The following MAPK4 variants were observed in gnomAD, a reference collection of about 807,000 sequenced individuals.
MAPK4 encodes the protein Erk3-related.
MAPK4 carries 22 observed loss-of-function variants against 47.7 expected under a neutral mutation model. The ratio of observed to expected loss-of-function variants is 0.46; its 90% CI spans 0.33 to 0.66. MAPK4 has a LOEUF of 0.66. Ranked by LOEUF, MAPK4 falls within the 30% of genes least tolerant of loss-of-function variation. The pLI is 0.02. For missense variants in MAPK4, 736 were observed against 831.7 expected (o/e 0.88, Z 1.42); for synonymous variants, 390 against 365.7 (o/e 1.07, Z -0.76).
intron 1 of MAPK4, among the ~76,000 whole-genome samples, chr18:50,639,240 A>G (rs1200747825): frequency 6.6e-6 from 1 of 152,222 alleles, no homozygotes; most frequent in Non-Finnish European, 1.5e-5. Flanking sequence ...GGATGACTGG[A>G]AATGGGAGTG....
At chr18:50,597,775 G>T (rs1428136228) in intron 1 of MAPK4, among the ~76,000 whole-genome samples, 1 of 152,202 alleles carries the variant, frequency 6.6e-6, no homozygotes, top group East Asian at 1.9e-4. Flanking sequence ...TAGTTCAGCT[G>T]TGTATAGACA....
intron 2 of MAPK4, among the ~76,000 whole-genome samples, chr18:50,684,634 C>T (rs1459613693): frequency 6.6e-6 from 1 of 152,088 alleles, no homozygotes; most frequent in Non-Finnish European, 1.5e-5. Context: ...CTGGCCTCCC[C>T]ATCACAGTGG....
chr18:50,728,040 C>T (rs925303399), intron 5 of MAPK4, among the ~76,000 whole-genome samples: 1 of 152,196 alleles, frequency 6.6e-6, no homozygotes, highest in Non-Finnish European at 1.5e-5. Flanking sequence ...CACTGGGAGG[C>T]GGGCAGTGCT....
intron 1 of MAPK4, among the ~76,000 whole-genome samples, chr18:50,651,937 G>A (rs2043054240): frequency 6.6e-6 from 1 of 152,244 alleles, no homozygotes; most frequent in Non-Finnish European, 1.5e-5. Context: ...CCCAAGGCAG[G>A]AGAAGGGGTC....
intron 1 of MAPK4, among the ~76,000 whole-genome samples, chr18:50,578,582 G>A (rs934307821): frequency 2.0e-5 from 3 of 152,194 alleles, no homozygotes; most frequent in African/African-American, 7.2e-5. Flanking sequence ...CTACCTAATG[G>A]TTACAAGATC....
intron 1 of MAPK4, among the ~76,000 whole-genome samples, chr18:50,578,685 C>T (rs1176491757): frequency 6.6e-6 from 1 of 152,174 alleles, no homozygotes; most frequent in Non-Finnish European, 1.5e-5. Flanking sequence ...AGGTATTGTG[C>T]AAGCTTTGCT....
At chr18:50,707,230 G>T (rs1455597417) in intron 2 of MAPK4, among the ~76,000 whole-genome samples, 1 of 152,138 alleles carries the variant, frequency 6.6e-6, no homozygotes, top group Non-Finnish European at 1.5e-5. Flanking sequence ...GAACAATGGG[G>T]AGTCATTGTT....
chr18:50,630,463 A>G (rs1221125761), intron 1 of MAPK4, among the ~76,000 whole-genome samples: 2 of 152,174 alleles, frequency 1.3e-5, no homozygotes, highest in Non-Finnish European at 2.9e-5. Context: ...TGCTGGGATT[A>G]CAGGTGTTAG....
intron 1 of MAPK4, among the ~76,000 whole-genome samples, chr18:50,567,826 TAA>T (rs561594105): frequency 1.4e-5 from 2 of 146,538 alleles, no homozygotes; most frequent in African/African-American, 2.5e-5. Flanking sequence ...AGTGTTTTTT[TAA>T]AAAAAAAAAA....
chr18:50,648,392 G>A (rs2043011979), intron 1 of MAPK4, among the ~76,000 whole-genome samples: 1 of 152,146 alleles, frequency 6.6e-6, no homozygotes, highest in Admixed American at 6.5e-5. Context: ...GACCGTGGGG[G>A]CTGTGTGAGA....
intron 2 of MAPK4, among the ~76,000 whole-genome samples, chr18:50,699,669 G>A (rs971230397): frequency 5.9e-5 from 9 of 152,204 alleles, no homozygotes; most frequent in Non-Finnish European, 1.0e-4. Context: ...ACACAAGGGT[G>A]CTCTCACCTC....
At chr18:50,588,786 G>A (rs1390583707) in intron 1 of MAPK4, among the ~76,000 whole-genome samples, 1 of 152,068 alleles carries the variant, frequency 6.6e-6, no homozygotes, top group East Asian at 1.9e-4. Flanking sequence ...GAACTCCTGG[G>A]CTCAGGAGAT....
Position 50,731,472 on chromosome 18 carries a change from A to G in MAPK4, c.*1618A>G, listed in dbSNP as rs1312098593. ...CCTCACATCACAGCACCTTAAATCT[A>G]ATCAGCAAACTATAATTTGTACGTT... is the stretch of plus-strand genomic sequence containing the variant. On this transcript the variant is annotated 3_prime_UTR_variant, in exon 6 of 6. Transcript: ENST00000400384. The G allele has an allele frequency of 6.6e-6, 1 of 152,368 alleles. No homozygotes were observed. The highest frequency in any genetic ancestry group is 1.5e-5 in the Non-Finnish European group (1 of 68,038). 9.4% of individuals were successfully genotyped at this position (152,368 alleles called of 1,614,324 possible). A position where few individuals can be genotyped will look rare whatever the true frequency, so the allele number is the denominator to read the frequency against.
chr18:50,668,609 A>G (rs372356598), intron 2 of MAPK4, among the ~76,000 whole-genome samples: 12 of 152,280 alleles, frequency 7.9e-5, no homozygotes, highest in African/African-American at 2.9e-4. Context: ...GTGGGTGGCA[A>G]TGGAGGATGT....
chr18:50,606,068 C>T (rs1428568477), intron 1 of MAPK4, among the ~76,000 whole-genome samples: 4 of 77,722 alleles, frequency 5.1e-5, no homozygotes, highest in Non-Finnish European at 5.2e-5. Flanking sequence ...GTGGCGGGGG[C>T]GGGGGTGGCA....
chr18:50,613,001 T>C (rs933867877), intron 1 of MAPK4, among the ~76,000 whole-genome samples: 1 of 152,160 alleles, frequency 6.6e-6, no homozygotes, highest in African/African-American at 2.4e-5. Context: ...CTTCTCTAGG[T>C]GAAGCAAGTG....
At chr18:50,692,954 G>A (rs1372987386) in intron 2 of MAPK4, among the ~76,000 whole-genome samples, 1 of 152,132 alleles carries the variant, frequency 6.6e-6, no homozygotes, top group Non-Finnish European at 1.5e-5. Flanking sequence ...GTGATCCTAA[G>A]GCGTTAAATA....
At chr18:50,649,515 C>T (rs1294154870) in intron 1 of MAPK4, among the ~76,000 whole-genome samples, 1 of 152,130 alleles carries the variant, frequency 6.6e-6, no homozygotes, top group Non-Finnish European at 1.5e-5. Context: ...AGAGGCAGCC[C>T]CTCCCGCCTA....
Position 50,710,779 on chromosome 18 carries a change from CTAAATAAATAAATAAATAAA to C in MAPK4, c.547-4270_547-4251del, listed in dbSNP as rs56152549. Among the ~76,000 whole-genome samples, 45 of 144,982 alleles carry C rather than the reference CTAAATAAATAAATAAATAAA, an allele frequency of 3.1e-4. 1 individual carries two copies. Among genetic ancestry groups the C allele is most frequent in the Middle Eastern group, 3.4e-3 (1 of 290 alleles). On this transcript the variant is annotated intron_variant, in intron 2 of 5. Transcript: ENST00000400384. ...TGGGTGACAGAGTGAGACTCCGTCT[CTAAATAAATAAATAAATAAA>C]TAAATAAATAAATAAATAAATAAAT...
Sources: gnomAD v4.1 joint callset for allele counts (sites outside exome capture counted in the v4.1 genomes callset) on GRCh38, gnomAD v4.1.1 for gene constraint, MANE v1.5 for transcripts, NCBI Gene and HGNC (gene_info 2026-07-23, HGNC 2026-07-21) for gene names.